Variants in DDAH1 observed in about 807,000 individuals in gnomAD.
DDAH1 encodes the protein N(G),N(G)-dimethylarginine dimethylaminohydrolase 1.
Under a neutral mutation model 28.8 loss-of-function variants are expected in DDAH1, and 19 were observed. The ratio of observed to expected loss-of-function variants is 0.66; its 90% CI spans 0.46 to 0.97. The LOEUF is 0.97. Among genes scored for constraint, DDAH1 ranks in the 50% least tolerant of loss-of-function variants. The pLI is 0.00. For synonymous variants in DDAH1, 153 were observed against 154.4 expected (o/e 0.99, Z 0.07); for missense variants, 326 against 375.9 (o/e 0.87, Z 1.10).
At chr1:85,554,298 T>A (rs896963239) in intron 1 of DDAH1, among the ~76,000 whole-genome samples, 4 of 150,316 alleles carry the variant, frequency 2.7e-5, no homozygotes, top group East Asian at 1.9e-4. Context: ...TTTTTTTTTT[T>A]AATCTCTAAA....
At chr1:85,426,924 A>AG (rs1653423700) in intron 1 of DDAH1, among the ~76,000 whole-genome samples, 2 of 145,552 alleles carry the variant, frequency 1.4e-5, no homozygotes, top group Admixed American at 6.8e-5. Flanking sequence ...AAAAAAACAA[A>AG]AAAAAAAAAA....
intron 2 of DDAH1, chr1:85,482,361 T>C (rs926950808): frequency 6.6e-6 from 1 of 152,208 alleles, no homozygotes; most frequent in African/African-American, 2.4e-5. Context: ...TAGTACTCAA[T>C]ACTAGGAAGG....
At chr1:85,491,760 G>T (rs907701485) in intron 2 of DDAH1, among the ~76,000 whole-genome samples, 1 of 152,156 alleles carries the variant, frequency 6.6e-6, no homozygotes, top group Non-Finnish European at 1.5e-5. Context: ...TGGTTATCTG[G>T]TTGGTTTGAT....
chr1:85,450,112 T>C (rs1455652840), intron 1 of DDAH1, among the ~76,000 whole-genome samples: 1 of 152,200 alleles, frequency 6.6e-6, no homozygotes, highest in Non-Finnish European at 1.5e-5. Flanking sequence ...ATGAGACAAG[T>C]TGCGTTTTTT....
chr1:85,483,871 A>G (rs1435930408), intron 2 of DDAH1, among the ~76,000 whole-genome samples: 1 of 152,188 alleles, frequency 6.6e-6, no homozygotes, highest in Non-Finnish European at 1.5e-5. Context: ...GCTAATTTCA[A>G]TTCAGAATAG....
chr1:85,339,117 T>C (rs1648316193), intron 4 of DDAH1, among the ~76,000 whole-genome samples: 1 of 151,754 alleles, frequency 6.6e-6, no homozygotes, highest in South Asian at 2.1e-4. Flanking sequence ...CTACTGATAA[T>C]ATGACTGGTA....
chr1:85,325,608 G>GAA (rs60305234), intron 4 of DDAH1, among the ~76,000 whole-genome samples: 2 of 136,790 alleles, frequency 1.5e-5, no homozygotes, highest in Non-Finnish European at 1.6e-5. Context: ...CAACTGGAGA[G>GAA]AAAAAAAAAA....
chr1:85,475,377 A>G (rs1421049358), intron 2 of DDAH1, among the ~76,000 whole-genome samples: 3 of 152,224 alleles, frequency 2.0e-5, no homozygotes, highest in South Asian at 4.1e-4. Context: ...GCATAGCAAT[A>G]GTTGACTTTC....
chr1:85,400,560 T>A (rs143880647), intron 1 of DDAH1, among the ~76,000 whole-genome samples: 2 of 152,176 alleles, frequency 1.3e-5, no homozygotes, highest in African/African-American at 2.4e-5. Context: ...TTCTATAATA[T>A]TGAATTAACT....
intron 1 of DDAH1, among the ~76,000 whole-genome samples, chr1:85,403,798 T>G (rs1360472307): frequency 2.6e-5 from 4 of 152,214 alleles, no homozygotes; most frequent in Non-Finnish European, 5.9e-5. Flanking sequence ...AATCTGTAAT[T>G]TAACATAGTT....
intron 4 of DDAH1, among the ~76,000 whole-genome samples, chr1:85,343,485 G>A (rs567727600): frequency 6.6e-6 from 1 of 151,390 alleles, no homozygotes; most frequent in South Asian, 2.1e-4. Flanking sequence ...ACGCATGGCA[G>A]ATTTAAAAAA....
At chr1:85,332,279 G>A (rs534716275) in intron 4 of DDAH1, among the ~76,000 whole-genome samples, 213 of 152,288 alleles carry the variant, frequency 1.4e-3, no homozygotes, top group African/African-American at 5.0e-3. Flanking sequence ...GTTGGACACA[G>A]TAGAGTGGCA....
intron 1 of DDAH1, among the ~76,000 whole-genome samples, chr1:85,400,887 G>A (rs1444957337): frequency 2.0e-5 from 3 of 151,980 alleles, no homozygotes; most frequent in Admixed American, 2.0e-4. Flanking sequence ...CTTTTGATTG[G>A]TTCTACCTTT....
intron 1 of DDAH1, among the ~76,000 whole-genome samples, chr1:85,435,815 TTCTC>T (rs1265691467): frequency 6.6e-6 from 1 of 151,992 alleles, no homozygotes; most frequent in Non-Finnish European, 1.5e-5. Context: ...CAGTCTCTCT[TTCTC>T]TCTCTCTGTT....
intron 1 of DDAH1, chr1:85,379,705 T>C (rs188464955): frequency 2.0e-6 from 2 of 985,384 alleles, no homozygotes; most frequent in Admixed American, 1.2e-4. Flanking sequence ...TACTCTGAAC[T>C]GAACTTATCT....
intron 4 of DDAH1, among the ~76,000 whole-genome samples, chr1:85,344,479 G>C (rs1648713876): frequency 6.6e-6 from 1 of 152,150 alleles, no homozygotes; most frequent in Non-Finnish European, 1.5e-5. Flanking sequence ...CCCAGGTGGG[G>C]TCAGCAGCTT....
intron 1 of DDAH1, among the ~76,000 whole-genome samples, chr1:85,462,483 A>G (rs1157266921): frequency 6.6e-6 from 1 of 152,218 alleles, no homozygotes; most frequent in Non-Finnish European, 1.5e-5. Context: ...ATTTTAAAAT[A>G]ATTCCTTGGC....
At chr1:85,567,779 G>A (rs61783713) in intron 1 of DDAH1, among the ~76,000 whole-genome samples, 16,232 of 152,196 alleles carry the variant, frequency 0.11, 1,184 homozygotes, top group Non-Finnish European at 0.15. Context: ...CATAATTGTA[G>A]TTGGAGATTT....
At chr1:85,451,825 G>A (rs1654681560) in intron 1 of DDAH1, among the ~76,000 whole-genome samples, 1 of 152,042 alleles carries the variant, frequency 6.6e-6, no homozygotes, top group Non-Finnish European at 1.5e-5. Context: ...AAATGAGACT[G>A]GAATCAATAG....
Sources: gnomAD v4.1 joint callset for allele counts (sites outside exome capture counted in the v4.1 genomes callset) on GRCh38, gnomAD v4.1.1 for gene constraint, MANE v1.5 for transcripts, NCBI Gene and HGNC (gene_info 2026-07-23, HGNC 2026-07-21) for gene names.